The following GTF2A1L variants were observed in gnomAD, a reference collection of about 807,000 sequenced individuals.
GTF2A1L encodes TFIIA-alpha and beta-like factor.
GTF2A1L carries 48 observed loss-of-function variants against 49.7 expected under a neutral mutation model. The observed-to-expected ratio is 0.97, with a 90% CI of 0.77 to 1.23. GTF2A1L has a LOEUF of 1.23. Ranked by LOEUF, GTF2A1L falls within the 50% of genes most tolerant of loss-of-function variation. The probability of loss-of-function intolerance (pLI) is 0.00; values close to 1 mark genes in which losing one functional copy is unlikely to be tolerated. For missense variants in GTF2A1L, 736 were observed against 564.8 expected (o/e 1.30, Z -3.07); for synonymous variants, 246 against 193.5 (o/e 1.27, Z -2.25).
intron 3 of GTF2A1L, among the ~76,000 whole-genome samples, chr2:48,642,139 A>G (rs1404589273): frequency 6.6e-6 from 1 of 152,178 alleles, no homozygotes; most frequent in Non-Finnish European, 1.5e-5. Context: ...GTGTTTTGTT[A>G]TGGATTTCCA....
chr2:48,638,002 C>G (rs904782128), intron 3 of GTF2A1L, among the ~76,000 whole-genome samples: 1 of 152,116 alleles, frequency 6.6e-6, no homozygotes, highest in African/African-American at 2.4e-5. Context: ...AATTCCTGAA[C>G]ACATACACCC....
intron 3 of GTF2A1L, among the ~76,000 whole-genome samples, chr2:48,635,983 G>A (rs539837913): frequency 6.6e-6 from 1 of 152,292 alleles, no homozygotes; most frequent in South Asian, 2.1e-4. Context: ...GAGGGAGGCT[G>A]TCTTTCTCTC....
chr2:48,634,095 A>G (rs980367694), intron 3 of GTF2A1L, among the ~76,000 whole-genome samples: 10 of 151,994 alleles, frequency 6.6e-5, no homozygotes, highest in Non-Finnish European at 1.5e-4. Flanking sequence ...ATTTACATTC[A>G]AGGTTAATAT....
chr2:48,657,250 A>G (rs1678232513), intron 6 of GTF2A1L, among the ~76,000 whole-genome samples: 6 of 152,174 alleles, frequency 3.9e-5, no homozygotes, highest in Admixed American at 3.3e-4. Flanking sequence ...CCTTGCCCTC[A>G]CTTCCCCTTC....
intron 3 of GTF2A1L, among the ~76,000 whole-genome samples, chr2:48,641,555 G>C (rs1280629385): frequency 2.0e-5 from 3 of 152,052 alleles, no homozygotes; most frequent in Admixed American, 2.0e-4. Context: ...TTAAAGATGA[G>C]GGAAAATGAC....
chr2:48,644,963 T>G, intron 4 of GTF2A1L, 70 bp from the exon 5 acceptor site: 85 of 1,399,824 alleles, frequency 6.1e-5, no homozygotes, highest in Middle Eastern at 2.4e-4. Flanking sequence ...TGACTCCCTG[T>G]GAGATCAGGG....
chr2:48,625,574 A>ATTTAT (rs920912378), intron 3 of GTF2A1L, among the ~76,000 whole-genome samples: 4 of 141,750 alleles, frequency 2.8e-5, no homozygotes, highest in East Asian at 2.0e-4. Flanking sequence ...TGATGTCTGT[A>ATTTAT]TTTATTTTAT....
intron 8 of GTF2A1L, among the ~76,000 whole-genome samples, chr2:48,673,408 G>C (rs1450968997): frequency 6.8e-6 from 1 of 146,334 alleles, no homozygotes; most frequent in Non-Finnish European, 1.5e-5. Context: ...TGTCGCCCAG[G>C]CTGGAGTGTA....
At position 48,617,862 on chromosome 2, in the gene GTF2A1L, T is replaced by C. The variant is rs575766204; in HGVS notation, c.-13T>C. 3 of 1,551,814 alleles carry C rather than the reference T, an allele frequency of 1.9e-6. No individual in the cohort carries two copies. Among genetic ancestry groups the C allele is most frequent in the African/African-American group, 1.4e-5 (1 of 73,194 alleles). ...CGCGCAGGCGCAAAGGGCCAGGTGCTGGAGGTGCTGTCATGGCCTGCCTCA... is the reference window on the plus strand; with the variant it reads ...CGCGCAGGCGCAAAGGGCCAGGTGCCGGAGGTGCTGTCATGGCCTGCCTCA... On this transcript the variant is annotated 5_prime_UTR_variant, in exon 1 of 9. Transcript: ENST00000403751.
At chr2:48,634,603 C>A (rs1169059431) in intron 3 of GTF2A1L, among the ~76,000 whole-genome samples, 1 of 152,166 alleles carries the variant, frequency 6.6e-6, no homozygotes, top group Non-Finnish European at 1.5e-5. Flanking sequence ...GTAACTAACT[C>A]CTTTAATGCT....
At chr2:48,642,017 A>G (rs1361586585) in intron 3 of GTF2A1L, among the ~76,000 whole-genome samples, 5 of 152,190 alleles carry the variant, frequency 3.3e-5, no homozygotes, top group African/African-American at 7.2e-5. Context: ...TACAATTTAG[A>G]ATGGGTTTAT....
chr2:48,621,431 T>G, intron 3 of GTF2A1L, 141 bp downstream of exon 3: 1 of 1,114,718 alleles, frequency 9.0e-7, no homozygotes, highest in African/African-American at 1.6e-5. Flanking sequence ...ATGAACACAG[T>G]ATAAATCATT....
rs141551000 is a variant in GTF2A1L, at chr2:48,675,322, A to G, written c.1329+3642A>G. ...AGTACTGGATAAGAATGTACATTTTAACAAGACTCCAAAATGATTTGTATG... is the reference window on the plus strand; with the variant it reads ...AGTACTGGATAAGAATGTACATTTTGACAAGACTCCAAAATGATTTGTATG... On this transcript the variant is annotated intron_variant, in intron 8 of 8. Transcript: ENST00000403751. 2.5e-3 allele frequency among the ~76,000 whole-genome samples: 378 copies of G among 152,296 alleles called. 1 individual carries two copies. The highest frequency in any genetic ancestry group is 8.4e-3 in the African/African-American group (349 of 41,588).
chr2:48,664,845 T>C (rs1335418484), intron 6 of GTF2A1L, among the ~76,000 whole-genome samples: 1 of 152,188 alleles, frequency 6.6e-6, no homozygotes. Flanking sequence ...TAATTCTTAA[T>C]ACTGTTTGCT....
At chr2:48,644,740 A>G (rs980938565) in intron 4 of GTF2A1L, among the ~76,000 whole-genome samples, 3 of 152,208 alleles carry the variant, frequency 2.0e-5, no homozygotes, top group Non-Finnish European at 4.4e-5. Context: ...CTGAGAACCA[A>G]TGGCCCTGCA....
intron 1 of GTF2A1L, 101 bp from the exon 2 acceptor site, chr2:48,620,750 C>A: frequency 1.4e-6 from 1 of 737,744 alleles, no homozygotes; most frequent in Non-Finnish European, 1.7e-6. Context: ...GCACTCCAGC[C>A]TGGGCAACAG....
chr2:48,670,918 G>A (rs7559006), intron 7 of GTF2A1L, among the ~76,000 whole-genome samples: 33,175 of 151,742 alleles, frequency 0.22, 3,669 homozygotes, highest in South Asian at 0.25. Context: ...CTGCTTCCTG[G>A]GTTCAAATGA....
chr2:48,633,560 A>G (rs577329345), intron 3 of GTF2A1L, among the ~76,000 whole-genome samples: 55 of 152,348 alleles, frequency 3.6e-4, no homozygotes, highest in African/African-American at 1.3e-3. Flanking sequence ...ATGGCTGAGC[A>G]TACGGTCAAT....
At chr2:48,637,184 A>G (rs562546055) in intron 3 of GTF2A1L, among the ~76,000 whole-genome samples, 10 of 152,296 alleles carry the variant, frequency 6.6e-5, no homozygotes, top group Non-Finnish European at 1.0e-4. Flanking sequence ...ACCTGTTTCT[A>G]TATTTCCTGA....
Sources: gnomAD v4.1 joint callset for allele counts (sites outside exome capture counted in the v4.1 genomes callset) on GRCh38, gnomAD v4.1.1 for gene constraint, MANE v1.5 for transcripts, NCBI Gene and HGNC (gene_info 2026-07-23, HGNC 2026-07-21) for gene names.